The following MTUS1 variants were observed in gnomAD, a reference collection of about 807,000 sequenced individuals.
The protein encoded by MTUS1 is microtubule associated scaffold protein 1, also known as microtubule-associated tumor suppressor 1.
In MTUS1, 109 loss-of-function variants were observed where a neutral mutation model predicts 120.8. The ratio of observed to expected loss-of-function variants is 0.90; its 90% CI spans 0.77 to 1.06. The LOEUF (loss-of-function observed/expected upper bound fraction) is 1.06. MTUS1 is among the 50% of genes least tolerant of loss of function. MTUS1 has a pLI of 0.00. For synonymous variants in MTUS1, 737 were observed against 550.5 expected (o/e 1.34, Z -4.74); for missense variants, 2,210 against 1,486.3 (o/e 1.49, Z -8.01).
intron 12 of MTUS1, among the ~76,000 whole-genome samples, chr8:17,652,265 T>G (rs1412086603): frequency 1.3e-5 from 2 of 152,208 alleles, no homozygotes; most frequent in Non-Finnish European, 2.9e-5. Context: ...TTTGTACTTT[T>G]CAGAATTGAC....
intron 7 of MTUS1, among the ~76,000 whole-genome samples, chr8:17,683,068 C>T (rs1053106272): frequency 8.5e-5 from 13 of 152,254 alleles, no homozygotes; most frequent in African/African-American, 2.9e-4. Flanking sequence ...GTCAGGAGAT[C>T]GAGACCATCC....
intron 3 of MTUS1, among the ~76,000 whole-genome samples, chr8:17,736,361 T>C (rs1271786154): frequency 6.6e-6 from 1 of 152,162 alleles, no homozygotes; most frequent in African/African-American, 2.4e-5. Context: ...CCACACACAG[T>C]GCGTGGTTCA....
rs540635167 is a variant in MTUS1, at chr8:17,777,104, C to A, written c.-154-21143G>T. 1.4e-4 allele frequency among the ~76,000 whole-genome samples: 21 copies of A among 152,182 alleles called. No homozygotes were observed. In the South Asian group the frequency reaches 4.4e-3, roughly 32 times the overall value. ...CCCTCGTGCAGACACTTAAGTCTAA[C>A]AGTATGCAATTTTCCCACCCCCAGC... On this transcript the variant is annotated intron_variant, in intron 1 of 14. Transcript: ENST00000693296.
At position 17,743,596 on chromosome 8, in the gene MTUS1, A is replaced by G. The variant is rs775128764; in HGVS notation, c.2287+8T>C. Reference sequence around the variant, plus strand: ...AACTCATAAACTATTGAACTATTTTATTCTTACCAGAACTGGACACACGCC... The same window carrying G: ...AACTCATAAACTATTGAACTATTTTGTTCTTACCAGAACTGGACACACGCC... On this transcript the variant is annotated splice_region_variant and intron_variant, in intron 3 of 14. Coordinates refer to ENST00000693296, the MANE Select transcript of MTUS1 (RefSeq NM_001363059.2). 1.7e-5 allele frequency: 27 copies of G among 1,609,914 alleles called. No homozygotes were observed. Among genetic ancestry groups the G allele is most frequent in the Non-Finnish European group, 2.1e-5 (25 of 1,178,072 alleles).
rs188986940 is a variant in MTUS1, at chr8:17,766,099, A to G, written c.-154-10138T>C. Among the ~76,000 whole-genome samples the G allele has an allele frequency of 2.6e-4, 39 of 152,322 alleles. 1 individual carries two copies. In the East Asian group the frequency reaches 6.0e-3, roughly 23 times the overall value. On this transcript the variant is annotated intron_variant, in intron 1 of 14. Coordinates refer to ENST00000693296, the MANE Select transcript of MTUS1 (RefSeq NM_001363059.2). ...ATTGTCACTTTAGAGGCATTTTAAG[A>G]CTGGTTGACACTGGGTGCCGATTTA...
chr8:17,707,817 C>T (rs1365101123), intron 6 of MTUS1, among the ~76,000 whole-genome samples: 2 of 152,168 alleles, frequency 1.3e-5, no homozygotes, highest in Admixed American at 1.3e-4. Flanking sequence ...CAGAAATAAA[C>T]CCTCACATTC....
chr8:17,694,099 G>T (rs1004182459), intron 6 of MTUS1, among the ~76,000 whole-genome samples: 1 of 152,074 alleles, frequency 6.6e-6, no homozygotes, highest in Admixed American at 6.6e-5. Flanking sequence ...TTTGTGTGTG[G>T]TTTTTTAAAT....
intron 4 of MTUS1, 144 bp downstream of exon 4, chr8:17,723,528 A>G (rs1403067626): frequency 1.2e-6 from 1 of 827,690 alleles, no homozygotes; most frequent in Non-Finnish European, 2.0e-6. Flanking sequence ...TTTTCTGCCA[A>G]ACTTTCAGAG....
chr8:17,706,340 A>G (rs1345556914), intron 6 of MTUS1, among the ~76,000 whole-genome samples: 1 of 152,188 alleles, frequency 6.6e-6, no homozygotes, highest in East Asian at 1.9e-4. Context: ...CAACTAGCCC[A>G]AGGTCAGGAC....
At chr8:17,665,502 G>C (rs1810696866) in intron 8 of MTUS1, among the ~76,000 whole-genome samples, 1 of 138,598 alleles carries the variant, frequency 7.2e-6, no homozygotes, top group Non-Finnish European at 1.6e-5. Flanking sequence ...AACGGAGCTG[G>C]ATCTACAACT....
intron 1 of MTUS1, among the ~76,000 whole-genome samples, chr8:17,777,443 A>G (rs2050539081): frequency 6.8e-6 from 1 of 146,956 alleles, no homozygotes; most frequent in South Asian, 2.1e-4. Flanking sequence ...TGTCTCAAAA[A>G]AAGAAAAAGA....
chr8:17,656,776 G>A (rs774823916), intron 8 of MTUS1, among the ~76,000 whole-genome samples: 3 of 151,564 alleles, frequency 2.0e-5, no homozygotes, highest in Non-Finnish European at 2.9e-5. Flanking sequence ...CGAGGGATAA[G>A]AAACAAGTGG....
intron 2 of MTUS1, among the ~76,000 whole-genome samples, chr8:17,747,438 T>G (rs552092788): frequency 6.6e-6 from 1 of 152,080 alleles, no homozygotes; most frequent in Non-Finnish European, 1.5e-5. Context: ...GCAATCAACA[T>G]ACCCTTGCCT....
intron 6 of MTUS1, among the ~76,000 whole-genome samples, chr8:17,687,719 C>T (rs538197857): frequency 2.9e-4 from 44 of 152,294 alleles, no homozygotes; most frequent in African/African-American, 1.0e-3. Flanking sequence ...TGGCAGCCTC[C>T]ATCAGGAAAA....
At chr8:17,793,550 G>T (rs371773056) in intron 1 of MTUS1, among the ~76,000 whole-genome samples, 11 of 152,254 alleles carry the variant, frequency 7.2e-5, no homozygotes, top group African/African-American at 1.7e-4. Context: ...ACATCTGGGA[G>T]AAATAATTAT....
chr8:17,701,939 C>G (rs540852984), intron 6 of MTUS1, among the ~76,000 whole-genome samples: 43 of 152,248 alleles, frequency 2.8e-4, no homozygotes, highest in Non-Finnish European at 4.9e-4. Flanking sequence ...ACTTATTAAA[C>G]TTAAAAATTT....
chr8:17,727,753 C>T (rs928207483), intron 3 of MTUS1, among the ~76,000 whole-genome samples: 4 of 152,182 alleles, frequency 2.6e-5, no homozygotes, highest in Non-Finnish European at 5.9e-5. Context: ...GATCTACTTG[C>T]AGGATATTAT....
chr8:17,694,076 T>C (rs921410387), intron 6 of MTUS1, among the ~76,000 whole-genome samples: 1 of 152,226 alleles, frequency 6.6e-6, no homozygotes. Context: ...GGCCACTTTT[T>C]ACCTATTAAT....
In MTUS1 at chr8:17,645,611, TC is replaced by T; in HGVS notation, c.*314del. The T allele has an allele frequency of 4.4e-6, 1 of 226,986 alleles. No individual in the cohort carries two copies. Among genetic ancestry groups the T allele is most frequent in the Non-Finnish European group, 8.6e-6 (1 of 116,902 alleles). The allele number at this position is 226,986 out of a possible 1,614,324, so 14.1% of individuals were successfully genotyped here. A position where few individuals can be genotyped will look rare whatever the true frequency, so the allele number is the denominator to read the frequency against. Reference sequence around the variant, plus strand: ...ATCTTAATAGGGCCCTGAGAGTTTTTCCCCCTATGCTTAGGTGAAAAAGGCA... The same window carrying T: ...ATCTTAATAGGGCCCTGAGAGTTTTTCCCCTATGCTTAGGTGAAAAAGGCA... On this transcript the variant is annotated 3_prime_UTR_variant, in exon 15 of 15. Transcript: ENST00000693296.
Sources: gnomAD v4.1 joint callset for allele counts (sites outside exome capture counted in the v4.1 genomes callset) on GRCh38, gnomAD v4.1.1 for gene constraint, MANE v1.5 for transcripts, NCBI Gene and HGNC (gene_info 2026-07-23, HGNC 2026-07-21) for gene names.